Variants in CNTNAP2 observed in about 807,000 individuals in gnomAD.
CNTNAP2 encodes contactin-associated protein-like 2.
A neutral mutation model predicts 155.2 loss-of-function variants in CNTNAP2; 98 were observed. That is an observed-to-expected ratio of 0.63 (90% CI 0.54 to 0.75). CNTNAP2 has a LOEUF of 0.75. Ranked by LOEUF, CNTNAP2 falls within the 30% of genes least tolerant of loss-of-function variation. The probability of loss-of-function intolerance (pLI) is 0.00; values close to 1 mark genes in which losing one functional copy is unlikely to be tolerated. For synonymous variants in CNTNAP2, 651 were observed against 631.2 expected, an observed-to-expected ratio of 1.03 and a Z score of -0.47; for missense variants, 1,727 against 1,688.1, an observed-to-expected ratio of 1.02 and a Z score of -0.40.
intron 21 of CNTNAP2, among the ~76,000 whole-genome samples, chr7:148,297,013 A>G (rs1188200117): frequency 6.6e-6 from 1 of 152,180 alleles, no homozygotes; most frequent in African/African-American, 2.4e-5. Context: ...AGAACACTCA[A>G]GACACTGTAC....
chr7:147,907,934 T>C (rs527447377), intron 14 of CNTNAP2, among the ~76,000 whole-genome samples: 103 of 138,630 alleles, frequency 7.4e-4, no homozygotes, highest in African/African-American at 2.4e-3. Flanking sequence ...CATGCCTAGC[T>C]AATTTTTTTT....
At chr7:148,251,530 C>A (rs2116816445) in intron 20 of CNTNAP2, among the ~76,000 whole-genome samples, 1 of 152,250 alleles carries the variant, frequency 6.6e-6, no homozygotes, top group East Asian at 1.9e-4. Flanking sequence ...CAAAGGTGAA[C>A]TCAATCTCCA....
At chr7:146,338,091 A>G (rs552815674) in intron 1 of CNTNAP2, among the ~76,000 whole-genome samples, 1 of 152,266 alleles carries the variant, frequency 6.6e-6, no homozygotes, top group East Asian at 1.9e-4. Flanking sequence ...GAGAGAGGGG[A>G]CAAATGGATA....
intron 15 of CNTNAP2, among the ~76,000 whole-genome samples, chr7:148,108,600 C>G (rs75332109): frequency 6.6e-6 from 1 of 151,424 alleles, no homozygotes; most frequent in Admixed American, 6.6e-5. Context: ...AGCCAGGCAC[C>G]GAAAACAAAT....
chr7:146,520,807 G>A (rs1797607263), intron 1 of CNTNAP2, among the ~76,000 whole-genome samples: 2 of 151,822 alleles, frequency 1.3e-5, no homozygotes, highest in Admixed American at 1.3e-4. Context: ...TTCTATCCTG[G>A]ATGTCTCCAG....
chr7:147,655,701 G>C (rs1563040825), intron 13 of CNTNAP2, among the ~76,000 whole-genome samples: 1 of 152,192 alleles, frequency 6.6e-6, no homozygotes, highest in Non-Finnish European at 1.5e-5. Context: ...TCCATTTCTA[G>C]AGCACAGGCA....
intron 1 of CNTNAP2, among the ~76,000 whole-genome samples, chr7:146,646,745 T>G (rs778308261): frequency 4.6e-4 from 70 of 152,252 alleles, no homozygotes; most frequent in Non-Finnish European, 8.1e-4. Flanking sequence ...GAGTCATCAG[T>G]TCTACAAAGA....
chr7:147,483,236 G>A (rs1368082560), intron 10 of CNTNAP2, among the ~76,000 whole-genome samples: 1 of 137,908 alleles, frequency 7.3e-6, no homozygotes, highest in Non-Finnish European at 1.6e-5. Flanking sequence ...AAAATAATAC[G>A]ATGATAAATC....
intron 1 of CNTNAP2, among the ~76,000 whole-genome samples, chr7:146,231,530 G>A (rs887934843): frequency 6.6e-6 from 1 of 152,164 alleles, no homozygotes; most frequent in African/African-American, 2.4e-5. Flanking sequence ...AATGTAGAAT[G>A]AGCATAAAAT....
chr7:146,366,493 A>G (rs1795157815), intron 1 of CNTNAP2, among the ~76,000 whole-genome samples: 1 of 152,148 alleles, frequency 6.6e-6, no homozygotes, highest in African/African-American at 2.4e-5. Context: ...GACAACAATC[A>G]TAAGAAATAA....
At chr7:147,975,336 A>G (rs1176546567) in intron 14 of CNTNAP2, among the ~76,000 whole-genome samples, 1 of 151,966 alleles carries the variant, frequency 6.6e-6, no homozygotes, top group Non-Finnish European at 1.5e-5. Context: ...GGGTGCTTCT[A>G]GGGTGCTGGA....
intron 3 of CNTNAP2, among the ~76,000 whole-genome samples, chr7:146,902,475 A>C (rs1796024073): frequency 6.6e-6 from 1 of 152,212 alleles, no homozygotes; most frequent in Admixed American, 6.5e-5. Context: ...TAATAAGAAA[A>C]GAGTTATGGC....
chr7:147,502,056 GA>G (rs1307431419), intron 11 of CNTNAP2, among the ~76,000 whole-genome samples: 1 of 152,060 alleles, frequency 6.6e-6, no homozygotes, highest in Admixed American at 6.6e-5. Context: ...GAACATGGAT[GA>G]AAAAAAGTGA....
At chr7:146,861,482 T>A (rs1214895402) in intron 3 of CNTNAP2, among the ~76,000 whole-genome samples, 12 of 152,200 alleles carry the variant, frequency 7.9e-5, no homozygotes, top group Admixed American at 7.2e-4. Context: ...TAGTGAAGAA[T>A]AAAGTATTAT....
intron 1 of CNTNAP2, among the ~76,000 whole-genome samples, chr7:146,440,790 A>G (rs937385791): frequency 6.6e-6 from 1 of 151,640 alleles, no homozygotes; most frequent in African/African-American, 2.4e-5. Context: ...AAATACATAG[A>G]TTCATATTTC....
chr7:147,837,088 A>G (rs902803680), intron 13 of CNTNAP2, among the ~76,000 whole-genome samples: 2 of 152,206 alleles, frequency 1.3e-5, no homozygotes, highest in Non-Finnish European at 2.9e-5. Context: ...TATATAATCA[A>G]TAAGCATGTT....
intron 8 of CNTNAP2, among the ~76,000 whole-genome samples, chr7:147,144,097 G>A (rs761786741): frequency 2.0e-5 from 3 of 152,040 alleles, no homozygotes; most frequent in South Asian, 2.1e-4. Flanking sequence ...AGTTCTACAC[G>A]ATTAAAACAG....
chr7:146,513,452 T>G (rs1240824815), intron 1 of CNTNAP2, among the ~76,000 whole-genome samples: 2 of 151,894 alleles, frequency 1.3e-5, no homozygotes, highest in Non-Finnish European at 2.9e-5. Context: ...TGCTTTTTAT[T>G]TTGTGTGTCT....
chr7:147,324,621 CT>C (rs1382811768), intron 9 of CNTNAP2, among the ~76,000 whole-genome samples: 2 of 151,902 alleles, frequency 1.3e-5, no homozygotes, highest in Non-Finnish European at 2.9e-5. Context: ...TTCATCAAAT[CT>C]TTCTTCAACT....
Sources: allele counts gnomAD v4.1 joint callset (sites outside exome capture counted in the v4.1 genomes callset), GRCh38; gene constraint gnomAD v4.1.1; transcripts MANE v1.5; gene names NCBI Gene and HGNC (gene_info 2026-07-23, HGNC 2026-07-21).